The following GOLGA6L9 variants were observed in gnomAD, a reference collection of about 807,000 sequenced individuals.
The protein encoded by GOLGA6L9 is golgin A6 family like 9.
In GOLGA6L9, 19 loss-of-function variants were observed where a neutral mutation model predicts 51.3. That is an observed-to-expected ratio of 0.37 (90% CI 0.26 to 0.54). The LOEUF is 0.54. Ranked by LOEUF, GOLGA6L9 falls within the 20% of genes least tolerant of loss-of-function variation. The pLI, the probability that GOLGA6L9 is intolerant of heterozygous loss-of-function variation, is 0.83. For synonymous variants in GOLGA6L9, 97 were observed against 184.2 expected (o/e 0.53, Z 3.83); for missense variants, 247 against 464.1 (o/e 0.53, Z 4.30).
chr15:82,436,643 A>G lies in GOLGA6L9; in HGVS notation c.*232A>G, dbSNP rs2031699320. The G allele has an allele frequency of 5.4e-6, 2 of 373,280 alleles. No homozygotes were observed. The highest frequency in any genetic ancestry group is 4.2e-5 in the African/African-American group (2 of 47,166). The allele number at this position is 373,280 out of a possible 1,614,324, so 23.1% of individuals were successfully genotyped here. ...TTAAATTTATTTTTGTTTCTAATTTATAATTTAAATTTATTTGTAAAAAGT... is the reference window on the plus strand; with the variant it reads ...TTAAATTTATTTTTGTTTCTAATTTGTAATTTAAATTTATTTGTAAAAAGT... On this transcript the variant is annotated 3_prime_UTR_variant, in exon 9 of 9. Transcript: ENST00000618348.
At chr15:82,429,807 A>G (rs2150825355), upstream of GOLGA6L9, among the ~76,000 whole-genome samples, 1 of 152,196 alleles carries the variant, frequency 6.6e-6, no homozygotes, top group African/African-American at 2.4e-5. Context: ...CCTCTCCCAG[A>G]GTGGGCGGCC....
At chr15:82,427,243 CCTTGCTTTCCTTTTCTTT>C (rs1328503924), upstream of GOLGA6L9, among the ~76,000 whole-genome samples, 95 of 145,242 alleles carry the variant, frequency 6.5e-4, no homozygotes, top group Non-Finnish European at 1.2e-3. Context: ...CTTCTTCCTT[CCTTGCTTTCCTTTTCTTT>C]CTTGCTTTCC....
chr15:82,420,759 G>A, the GOLGA6L9 span, among the ~76,000 whole-genome samples: 29 of 152,118 alleles, frequency 1.9e-4, no homozygotes, highest in African/African-American at 6.8e-4. Flanking sequence ...ATGAAATGCA[G>A]GCTGTAACCG....
chr15:82,437,868 T>A lies in GOLGA6L9; in HGVS notation c.*1457T>A, dbSNP rs2150833561. 6.6e-6 allele frequency: 1 copy of A among 151,474 alleles called. No individual in the cohort carries two copies. Among genetic ancestry groups the A allele is most frequent in the East Asian group, 1.9e-4 (1 of 5,184 alleles). The allele number at this position is 151,474 out of a possible 1,614,324, so 9.4% of individuals were successfully genotyped here. A position where few individuals can be genotyped will look rare whatever the true frequency, so the allele number is the denominator to read the frequency against. On this transcript the variant is annotated 3_prime_UTR_variant, in exon 9 of 9. Transcript: ENST00000618348. Reference sequence around the variant, plus strand: ...GAAAGTGTCTATACAATCACAGAGTTATATTTCCTCACAAAGTTCTTTACA... The same window carrying A: ...GAAAGTGTCTATACAATCACAGAGTAATATTTCCTCACAAAGTTCTTTACA...
At chr15:82,420,758 A>G in the GOLGA6L9 span, among the ~76,000 whole-genome samples, 1 of 152,154 alleles carries the variant, frequency 6.6e-6, no homozygotes, top group Non-Finnish European at 1.5e-5. Context: ...CATGAAATGC[A>G]GGCTGTAACC....
In GOLGA6L9 at chr15:82,438,049, G is replaced by C. The variant is rs1475006343; in HGVS notation, c.*1638G>C. 2.7e-5 allele frequency: 4 copies of C among 150,814 alleles called. No homozygotes were observed. The highest frequency in any genetic ancestry group is 5.9e-5 in the Non-Finnish European group (4 of 67,736). The allele number at this position is 150,814 out of a possible 1,614,324, so 9.3% of individuals were successfully genotyped here. On this transcript the variant is annotated 3_prime_UTR_variant, in exon 9 of 9. Coordinates refer to ENST00000618348, the MANE Select transcript of GOLGA6L9 (RefSeq NM_198181.4). ...TTCAGTTTAAAGACAGTTACTTTAAGCCCATTTTAAACCCTCAGGCTAGAA... is the reference window on the plus strand; with the variant it reads ...TTCAGTTTAAAGACAGTTACTTTAACCCCATTTTAAACCCTCAGGCTAGAA...
chr15:82,431,888 A>C lies in GOLGA6L9; in HGVS notation c.143A>C (p.Lys48Thr), dbSNP rs1236727783. The change falls in exon 2 of 9, where the codon AAG becomes ACG. Residue 48 changes from lysine to threonine, a missense_variant. Lys to Thr is a moderately conservative substitution (Grantham distance 78). Coordinates refer to ENST00000618348, the MANE Select transcript of GOLGA6L9 (RefSeq NM_198181.4). ...PGIPAGANRKKKINGSSPDTF... is the reference protein window; with the variant it reads ...PGIPAGANRKTKINGSSPDTF... ...ATTCCAGCAGGAGCTAACAGGAAAA[A>C]GAAAATCAATGGCAGTAGCCCTGAC... 4 of 1,442,558 alleles carry C rather than the reference A, an allele frequency of 2.8e-6. No homozygotes were observed. In the Admixed American group the frequency reaches 1.0e-4, roughly 37 times the overall value. The allele number at this position is 1,442,558 out of a possible 1,614,324, so 89.4% of individuals were successfully genotyped here.
the GOLGA6L9 span, among the ~76,000 whole-genome samples, chr15:82,416,392 G>A: frequency 6.6e-6 from 1 of 152,126 alleles, no homozygotes; most frequent in African/African-American, 2.4e-5. Context: ...TTGAGAAACA[G>A]GGGAGTAACA....
chr15:82,429,523 G>T (rs1333437535), upstream of GOLGA6L9, among the ~76,000 whole-genome samples: 4 of 152,170 alleles, frequency 2.6e-5, no homozygotes. Flanking sequence ...GGATACTATA[G>T]TCAGCTTCAT....
At chr15:82,417,467 T>A in the GOLGA6L9 span, among the ~76,000 whole-genome samples, 1 of 152,208 alleles carries the variant, frequency 6.6e-6, no homozygotes, top group East Asian at 1.9e-4. Context: ...AGTTTACTTA[T>A]CTTACTTATG....
In GOLGA6L9 at chr15:82,438,283, G is replaced by C. The variant is rs2150834049; in HGVS notation, c.*1872G>C. 1 of 149,740 alleles carries C rather than the reference G, an allele frequency of 6.7e-6. No individual in the cohort carries two copies. Among genetic ancestry groups the C allele is most frequent in the African/African-American group, 2.5e-5 (1 of 40,636 alleles). The allele number at this position is 149,740 out of a possible 1,614,324, so 9.3% of individuals were successfully genotyped here. Reference sequence around the variant, plus strand: ...AATCTGACAATAATGTGTTCATCAGGTACCTGTGGATTAAATCACATACTG... The same window carrying C: ...AATCTGACAATAATGTGTTCATCAGCTACCTGTGGATTAAATCACATACTG... On this transcript the variant is annotated 3_prime_UTR_variant, in exon 9 of 9. Transcript: ENST00000618348.
intron 4 of GOLGA6L9, among the ~76,000 whole-genome samples, chr15:82,433,334 T>C (rs1220498969): frequency 6.6e-6 from 1 of 151,956 alleles, no homozygotes; most frequent in Non-Finnish European, 1.5e-5. Context: ...TAAAGGCCCC[T>C]AGAATGGAAA....
At chr15:82,417,874 C>T in the GOLGA6L9 span, among the ~76,000 whole-genome samples, 2 of 152,238 alleles carry the variant, frequency 1.3e-5, no homozygotes, top group Admixed American at 6.5e-5. Context: ...ATACAATACT[C>T]TCTTAGCCCA....
Position 82,437,748 on chromosome 15 carries a change from T to C in GOLGA6L9, c.*1337T>C, listed in dbSNP as rs2031752238. On this transcript the variant is annotated 3_prime_UTR_variant, in exon 9 of 9. Coordinates refer to ENST00000618348, the MANE Select transcript of GOLGA6L9 (RefSeq NM_198181.4). ...AAAGGAGTTTTAGTAGACAGTATTA[T>C]ACTACATTTGAAAATCAAGGAGCAG... 1 of 150,380 alleles carries C rather than the reference T, an allele frequency of 6.6e-6. No individual in the cohort carries two copies. Among genetic ancestry groups the C allele is most frequent in the South Asian group, 2.1e-4 (1 of 4,792 alleles). 9.3% of individuals were successfully genotyped at this position (150,380 alleles called of 1,614,324 possible).
chr15:82,419,910 T>A, the GOLGA6L9 span: 1 of 236,502 alleles, frequency 4.2e-6, no homozygotes, highest in African/African-American at 2.3e-5. Flanking sequence ...TATATGCCAT[T>A]TGGTTAGGCC....
At chr15:82,417,302 A>ATTCT in the GOLGA6L9 span, among the ~76,000 whole-genome samples, 1 of 152,136 alleles carries the variant, frequency 6.6e-6, no homozygotes, top group Non-Finnish European at 1.5e-5. Flanking sequence ...TTTCCCTAGT[A>ATTCT]TTCTTGAACT....
chr15:82,428,936 T>G (rs1227615825), upstream of GOLGA6L9, among the ~76,000 whole-genome samples: 2 of 151,138 alleles, frequency 1.3e-5, no homozygotes, highest in African/African-American at 4.9e-5. Flanking sequence ...AGTGAGAAAT[T>G]CAGTTTCATT....
the GOLGA6L9 span, among the ~76,000 whole-genome samples, chr15:82,417,993 G>A: frequency 6.6e-6 from 1 of 152,144 alleles, no homozygotes. Flanking sequence ...TAATTTTTCG[G>A]AGAGTTTTTC....
chr15:82,433,251 C>T lies in GOLGA6L9; in HGVS notation c.346-311C>T, dbSNP rs1284538729. On this transcript the variant is annotated intron_variant, in intron 4 of 8. Coordinates refer to ENST00000618348, the MANE Select transcript of GOLGA6L9 (RefSeq NM_198181.4). ...TTTTGAGTCTGGACAAGCCATCTCT[C>T]CTCTTTATGCTCGTGTTTCTGGAGG... Among the ~76,000 whole-genome samples, 9 of 151,892 alleles carry T rather than the reference C, an allele frequency of 5.9e-5. 1 individual carries two copies. In the South Asian group the frequency reaches 1.9e-3, roughly 32 times the overall value.
Sources: gnomAD v4.1 joint callset for allele counts (sites outside exome capture counted in the v4.1 genomes callset) on GRCh38, gnomAD v4.1.1 for gene constraint, MANE v1.5 for transcripts, NCBI Gene and HGNC (gene_info 2026-07-23, HGNC 2026-07-21) for gene names.